Variants in TTC6 observed in about 807,000 individuals in gnomAD.
TTC6 encodes the protein tetratricopeptide repeat domain 6.
Under a neutral mutation model 210.4 loss-of-function variants are expected in TTC6, and 172 were observed. The observed-to-expected ratio is 0.82, with a 90% confidence interval of 0.72 to 0.93. TTC6 has a LOEUF of 0.93. Ranked by LOEUF, TTC6 falls within the 40% of genes least tolerant of loss-of-function variation. TTC6 has a pLI of 0.00. For synonymous variants in TTC6, 804 were observed against 819.6 expected (o/e 0.98, Z 0.32); for missense variants, 2,414 against 2,318.1 (o/e 1.04, Z -0.85).
chr14:37,680,307 G>C, intron 2 of TTC6, 46 bp downstream of exon 4: 1 of 1,210,938 alleles, frequency 8.3e-7, no homozygotes, highest in Non-Finnish European at 1.1e-6. Flanking sequence ...TAAAGTAACA[G>C]CATGCTTCCT....
chr14:37,789,222 T>A (rs2096074038), intron 15 of TTC6, among the ~76,000 whole-genome samples: 1 of 152,142 alleles, frequency 6.6e-6, no homozygotes, highest in African/African-American at 2.4e-5. Context: ...ATAAGAAGTG[T>A]CTCAATATTC....
At chr14:37,826,491 C>A in intron 28 of TTC6, 144 bp downstream of exon 30, 2 of 774,998 alleles carry the variant, frequency 2.6e-6, no homozygotes, top group Middle Eastern at 4.0e-4. Context: ...CCAAGTGATC[C>A]CTAGGGTAAA....
intron 1 of TTC6, among the ~76,000 whole-genome samples, chr14:37,627,267 T>A (rs1457494613): frequency 6.6e-6 from 1 of 152,152 alleles, no homozygotes; most frequent in Non-Finnish European, 1.5e-5. Flanking sequence ...CCTTTATAAA[T>A]TACCCAGTCT....
intron 2 of TTC6, among the ~76,000 whole-genome samples, chr14:37,616,917 C>A (rs918764487): frequency 6.6e-6 from 1 of 152,086 alleles, no homozygotes; most frequent in Non-Finnish European, 1.5e-5. Context: ...GTCTTTGTCA[C>A]CCAGGCTGGA....
At chr14:37,817,078 G>A (rs1449486850) in intron 25 of TTC6, among the ~76,000 whole-genome samples, 11 of 152,130 alleles carry the variant, frequency 7.2e-5, no homozygotes, top group Non-Finnish European at 4.4e-5. Flanking sequence ...CAGAAGTGTG[G>A]ATTCCAAAGG....
intron 10 of TTC6, among the ~76,000 whole-genome samples, chr14:37,741,934 T>C (rs551661097): frequency 6.6e-6 from 1 of 152,286 alleles, no homozygotes; most frequent in African/African-American, 2.4e-5. Flanking sequence ...CTGAGCTCAG[T>C]GTTGACAGAG....
At chr14:37,763,632 T>C (rs2095990766) in intron 14 of TTC6, among the ~76,000 whole-genome samples, 1 of 152,132 alleles carries the variant, frequency 6.6e-6, no homozygotes, top group Non-Finnish European at 1.5e-5. Flanking sequence ...TACTTTTTAT[T>C]TCTTCAAGGG....
intron 1 of TTC6, among the ~76,000 whole-genome samples, chr14:37,661,950 A>C (rs1235593278): frequency 6.6e-6 from 1 of 152,142 alleles, no homozygotes; most frequent in East Asian, 1.9e-4. Context: ...GAGTTCATTC[A>C]TGATTTGGCT....
intron 30 of TTC6, 126 bp from the exon 33 acceptor site, chr14:37,842,015 CAAATTAAAAGTATT>C: frequency 1.4e-6 from 1 of 731,986 alleles, no homozygotes; most frequent in Non-Finnish European, 2.0e-6. Flanking sequence ...AAAGTGTTTT[CAAATTAAAAGTATT>C]AAAGTTCTTG....
At chr14:37,735,941 T>C in exon 8 of TTC6, 1 of 1,533,548 alleles carries the variant, frequency 6.5e-7, no homozygotes, top group Non-Finnish European at 8.7e-7. Context: ...CAAGCAGACT[T>C]TTAACTGATA....
exon 31 of TTC6, chr14:37,842,463 A>C (rs2096212373): frequency 1.9e-6 from 1 of 519,978 alleles, no homozygotes; most frequent in Non-Finnish European, 2.9e-6. Flanking sequence ...TAATTATAAA[A>C]CATATATCAT....
intron 7 of TTC6, among the ~76,000 whole-genome samples, chr14:37,728,601 A>G (rs1404392283): frequency 1.3e-5 from 2 of 152,140 alleles, no homozygotes; most frequent in Non-Finnish European, 1.5e-5. Context: ...CTCTGTGTTC[A>G]GAAATATTTT....
At chr14:37,827,461 A>T (rs990446924) in intron 29 of TTC6, 95 bp downstream of exon 31, 1 of 1,145,122 alleles carries the variant, frequency 8.7e-7, no homozygotes. Context: ...TCTCAGGCTA[A>T]TAATGCATTG....
At chr14:37,805,677 T>C (rs2096116931) in intron 21 of TTC6, among the ~76,000 whole-genome samples, 1 of 152,118 alleles carries the variant, frequency 6.6e-6, no homozygotes, top group Admixed American at 6.6e-5. Flanking sequence ...TAGAGTTCTA[T>C]TGTTCTGAAG....
intron 7 of TTC6, among the ~76,000 whole-genome samples, chr14:37,729,848 A>G (rs1192556391): frequency 1.3e-5 from 2 of 152,116 alleles, no homozygotes; most frequent in Non-Finnish European, 2.9e-5. Context: ...ATATTTTTCT[A>G]TCTATGTTTA....
At chr14:37,659,240 C>T (rs1213721830) in intron 1 of TTC6, among the ~76,000 whole-genome samples, 2 of 152,020 alleles carry the variant, frequency 1.3e-5, no homozygotes, top group Non-Finnish European at 2.9e-5. Context: ...CTGTAATGGA[C>T]ATTTGTGTGC....
intron 23 of TTC6, among the ~76,000 whole-genome samples, 177 bp downstream of exon 25, chr14:37,807,637 G>T (rs1267264325): frequency 1.3e-5 from 2 of 151,608 alleles, no homozygotes; most frequent in African/African-American, 4.8e-5. Flanking sequence ...CAAAATAATG[G>T]TATTTATTTT....
intron 14 of TTC6, among the ~76,000 whole-genome samples, chr14:37,762,882 C>CTTTTTTTTTTTTTTTTTTTTTTTTTTT (rs369694046): frequency 7.7e-6 from 1 of 129,602 alleles, no homozygotes; most frequent in East Asian, 2.2e-4. Flanking sequence ...CTTTTCTTTT[C>CTTTTTTTTTTTTTTTTTTTTTTTTTTT]TTTTTTTTTT....
intron 16 of TTC6, among the ~76,000 whole-genome samples, chr14:37,791,211 G>A (rs1421131855): frequency 6.6e-6 from 1 of 152,086 alleles, no homozygotes; most frequent in Non-Finnish European, 1.5e-5. Flanking sequence ...TCTGCTTGGT[G>A]TATGATTGCT....
Sources: gnomAD v4.1 joint callset for allele counts (sites outside exome capture counted in the v4.1 genomes callset) on GRCh38, gnomAD v4.1.1 for gene constraint, MANE v1.5 for transcripts, NCBI Gene and HGNC (gene_info 2026-07-23, HGNC 2026-07-21) for gene names.